The following RPL39 variants were observed in gnomAD, a reference collection of about 807,000 sequenced individuals.
The protein encoded by RPL39 is ribosomal protein L39, also known as large ribosomal subunit protein eL39.
For synonymous variants in RPL39, 8 were observed against 11.4 expected (o/e 0.70, Z 0.60); for missense variants, 6 against 37.2 (o/e 0.16, Z 2.18).
chrX:119,789,309 C>T (rs144071173), intron 2 of RPL39, among the ~76,000 whole-genome samples: 2 of 112,291 alleles, frequency 1.8e-5, no homozygotes, highest in Non-Finnish European at 3.8e-5. Context: ...GTAATCCCAG[C>T]ACTTTGGGAA....
At chrX:119,789,797 G>C in intron 2 of RPL39, 111 bp downstream of exon 2, 1 of 475,798 alleles carries the variant, frequency 2.1e-6, no homozygotes, top group East Asian at 3.5e-5. Flanking sequence ...TCAAAGGGTG[G>C]ATTGGATTGC....
At chrX:119,787,366 A>C (rs1395444278) in intron 2 of RPL39, 1 of 374,009 alleles carries the variant, frequency 2.7e-6, no homozygotes, top group Non-Finnish European at 5.2e-6. Context: ...TGTCCATGTC[A>C]ATCTGTCATG....
intron 2 of RPL39, 113 bp downstream of exon 2, chrX:119,789,795 T>C: frequency 2.1e-6 from 1 of 466,150 alleles, no homozygotes; most frequent in East Asian, 3.6e-5. Context: ...TGTCAAAGGG[T>C]GGATTGGATT....
intron 2 of RPL39, among the ~76,000 whole-genome samples, chrX:119,788,631 C>T (rs2055681380): frequency 3.6e-5 from 4 of 111,380 alleles, no homozygotes; most frequent in African/African-American, 9.8e-5. Context: ...TGGTGGTGAA[C>T]GCCTGTAGTC....
chrX:119,789,560 AC>A (rs1259602906), intron 2 of RPL39, among the ~76,000 whole-genome samples: 29 of 56,351 alleles, frequency 5.1e-4, no homozygotes, highest in Non-Finnish European at 7.6e-4. Flanking sequence ...CCGTCTCAAA[AC>A]AAAAACAAAA....
intron 1 of RPL39, 188 bp from the exon 2 acceptor site, chrX:119,790,199 T>C (rs964962342): frequency 1.1e-5 from 4 of 373,705 alleles, no homozygotes; most frequent in African/African-American, 7.6e-5. Flanking sequence ...GATACCACAG[T>C]TTCCATCGTT....
Position 119,791,580 on chromosome X carries a change from G to A in RPL39, c.-4C>T. 8.5e-7 allele frequency: 1 copy of A among 1,173,955 alleles called. No homozygotes were observed. The highest frequency in any genetic ancestry group is 1.1e-6 in the Non-Finnish European group (1 of 875,654). Reference sequence around the variant, plus strand: ...TGGGGGCCGATGGACTTACCATGGCGAGCAGCGGAGTCAAGAACACACCAC... The same window carrying A: ...TGGGGGCCGATGGACTTACCATGGCAAGCAGCGGAGTCAAGAACACACCAC... On this transcript the variant is annotated 5_prime_UTR_variant, in exon 1 of 3. Coordinates refer to ENST00000361575, the MANE Select transcript of RPL39 (RefSeq NM_001000.4).
intron 2 of RPL39, among the ~76,000 whole-genome samples, chrX:119,788,951 CTT>C (rs1342500574): frequency 8.9e-6 from 1 of 112,054 alleles, no homozygotes; most frequent in African/African-American, 3.2e-5. Flanking sequence ...TTTCTAGTCT[CTT>C]TTTAGAAAAG....
In RPL39 at chrX:119,786,972, A is replaced by G. The variant is rs757136399; in HGVS notation, c.108-240T>C. On this transcript the variant is annotated intron_variant, in intron 2 of 2. Coordinates refer to ENST00000361575, the MANE Select transcript of RPL39 (RefSeq NM_001000.4). The stretch of plus-strand genomic sequence containing the variant: ...CTAGGCTCTTAACTAGGATCAGAGT[A>G]GTGGCGAAGCCCACTCTCTCCAAGT... Among the ~76,000 whole-genome samples the G allele has an allele frequency of 5.3e-5, 6 of 112,569 alleles. No individual in the cohort carries two copies. The South Asian group carries it at 1.8e-3, about 34-fold the overall frequency.
At chrX:119,790,668 C>G (rs1196624991) in intron 1 of RPL39, 2 of 111,657 alleles carry the variant, frequency 1.8e-5, no homozygotes, top group Non-Finnish European at 3.8e-5. Context: ...CCAAGGATGA[C>G]TGTCTCAATT....
At chrX:119,787,922 A>G (rs1023608704) in intron 2 of RPL39, among the ~76,000 whole-genome samples, 7 of 111,374 alleles carry the variant, frequency 6.3e-5, no homozygotes, top group African/African-American at 2.0e-4. Context: ...CCTCTCCCAA[A>G]GTGCTGGGAT....
intron 1 of RPL39, chrX:119,790,361 C>T (rs1419288773): frequency 7.2e-6 from 1 of 138,632 alleles, no homozygotes; most frequent in African/African-American, 3.1e-5. Flanking sequence ...CAGACGACCA[C>T]ACTGGGAATG....
At chrX:119,791,218 C>A (rs41304508) in intron 1 of RPL39, 82,649 of 220,044 alleles carry the variant, frequency 0.38, 13,076 homozygotes, top group Non-Finnish European at 0.46. Flanking sequence ...ACGGGCAGCC[C>A]ACAGTCAGGC....
intron 2 of RPL39, among the ~76,000 whole-genome samples, chrX:119,789,105 A>T (rs1428598588): frequency 9.0e-6 from 1 of 110,789 alleles, no homozygotes; most frequent in East Asian, 2.8e-4. Context: ...TCTCTACAAA[A>T]AATTTAAAAA....
intron 2 of RPL39, chrX:119,787,300 A>G: frequency 5.6e-6 from 2 of 357,644 alleles, no homozygotes; most frequent in Admixed American, 5.3e-5. Flanking sequence ...CATGATCTTT[A>G]CAATCGATCA....
At chrX:119,788,943 T>G (rs2055683318) in intron 2 of RPL39, among the ~76,000 whole-genome samples, 1 of 112,005 alleles carries the variant, frequency 8.9e-6, no homozygotes, top group Non-Finnish European at 1.9e-5. Context: ...TCCAATCTTT[T>G]CTAGTCTCTT....
At position 119,791,585 on chromosome X, in the gene RPL39, G is replaced by A. The variant is rs2055702122; in HGVS notation, c.-9C>T. 1 of 1,179,321 alleles carries A rather than the reference G, an allele frequency of 8.5e-7. No homozygotes were observed. Among genetic ancestry groups the A allele is most frequent in the Middle Eastern group, 2.4e-4 (1 of 4,190 alleles). ...GCCGATGGACTTACCATGGCGAGCA[G>A]CGGAGTCAAGAACACACCACGATGG... On this transcript the variant is annotated 5_prime_UTR_variant, in exon 1 of 3. Transcript: ENST00000361575.
intron 2 of RPL39, among the ~76,000 whole-genome samples, 162 bp downstream of exon 2, chrX:119,789,746 A>C (rs1362123186): frequency 8.9e-6 from 1 of 112,374 alleles, no homozygotes; most frequent in Non-Finnish European, 1.9e-5. Flanking sequence ...CAGTGCAGAA[A>C]CAAAGGAAGT....
intron 2 of RPL39, among the ~76,000 whole-genome samples, chrX:119,789,643 TC>T (rs943641511): frequency 8.9e-6 from 1 of 112,652 alleles, no homozygotes; most frequent in African/African-American, 3.2e-5. Context: ...AAGACAGCCT[TC>T]CACCTTATGA....
Sources: gnomAD v4.1 joint callset for allele counts (sites outside exome capture counted in the v4.1 genomes callset) on GRCh38, gnomAD v4.1.1 for gene constraint, MANE v1.5 for transcripts, NCBI Gene and HGNC (gene_info 2026-07-23, HGNC 2026-07-21) for gene names.